Variants in COG6 observed in about 807,000 individuals in gnomAD.
The protein encoded by COG6 is component of oligomeric golgi complex 6, also known as conserved oligomeric Golgi complex subunit 6.
COG6 carries 74 observed loss-of-function variants against 88.8 expected under a neutral mutation model. That is an observed-to-expected ratio of 0.83 (90% CI 0.69 to 1.01). The LOEUF is 1.01. COG6 is among the 50% of genes least tolerant of loss of function. The pLI is 0.00. For missense variants in COG6, 800 were observed against 797.9 expected, an observed-to-expected ratio of 1.00 and a Z score of -0.03; for synonymous variants, 286 against 278.7, an observed-to-expected ratio of 1.03 and a Z score of -0.26.
At chr13:39,778,368 C>A (rs1256158901) in intron 18 of COG6, among the ~76,000 whole-genome samples, 1 of 152,194 alleles carries the variant, frequency 6.6e-6, no homozygotes, top group African/African-American at 2.4e-5. Context: ...TTCATAACAA[C>A]CAATGAAAGA....
chr13:39,682,101 T>C, intron 7 of COG6, 70 bp from the exon 8 acceptor site: 1 of 1,098,652 alleles, frequency 9.1e-7, no homozygotes, highest in Non-Finnish European at 1.4e-6. Flanking sequence ...TTTAGACTCC[T>C]GGAATGCAAC....
chr13:39,671,527 T>G (rs1197601392), intron 4 of COG6, among the ~76,000 whole-genome samples: 1 of 151,910 alleles, frequency 6.6e-6, no homozygotes, highest in Non-Finnish European at 1.5e-5. Flanking sequence ...TACCTGGAAT[T>G]CCATTTCCCA....
rs140941960 is a variant in COG6, at chr13:39,696,667, C to T, written c.1166+1942C>T. ...AAAGGTAGAGAGAGGCCAGCTCACACAGGATTTTGAAGGCGATAGTGGATA... is the reference window on the plus strand; with the variant it reads ...AAAGGTAGAGAGAGGCCAGCTCACATAGGATTTTGAAGGCGATAGTGGATA... On this transcript the variant is annotated intron_variant, in intron 12 of 18. Coordinates refer to ENST00000455146, the MANE Select transcript of COG6 (RefSeq NM_020751.3). 4.6e-5 allele frequency among the ~76,000 whole-genome samples: 7 copies of T among 151,486 alleles called. No homozygotes were observed. The East Asian group carries it at 1.4e-3, about 30-fold the overall frequency.
At chr13:39,684,343 G>A (rs1876512579) in intron 8 of COG6, among the ~76,000 whole-genome samples, 1 of 138,366 alleles carries the variant, frequency 7.2e-6, no homozygotes, top group African/African-American at 2.7e-5. Context: ...CCGCCCCCTG[G>A]GGTTCACGCC....
intron 13 of COG6, among the ~76,000 whole-genome samples, chr13:39,703,117 C>G (rs1012985366): frequency 7.9e-5 from 12 of 152,082 alleles, no homozygotes; most frequent in African/African-American, 2.9e-4. Context: ...TCTCCAACAT[C>G]AGGAAAGCCC....
chr13:39,694,735 A>G lies in COG6; in HGVS notation c.1166+10A>G. 7.3e-7 allele frequency: 1 copy of G among 1,366,676 alleles called. No individual in the cohort carries two copies. 84.7% of individuals were successfully genotyped at this position (1,366,676 alleles called of 1,614,324 possible). A position where few individuals can be genotyped will look rare whatever the true frequency, so the allele number is the denominator to read the frequency against. On this transcript the variant is annotated intron_variant, in intron 12 of 18. Coordinates refer to ENST00000455146, the MANE Select transcript of COG6 (RefSeq NM_020751.3). ...ATCACCATACAATCAGGTAAGTAGAATGGCAAAATGTGCTTGCTAAATCCA... is the reference window on the plus strand; with the variant it reads ...ATCACCATACAATCAGGTAAGTAGAGTGGCAAAATGTGCTTGCTAAATCCA...
intron 18 of COG6, among the ~76,000 whole-genome samples, chr13:39,787,156 A>C (rs1333854529): frequency 6.6e-6 from 1 of 152,112 alleles, no homozygotes; most frequent in African/African-American, 2.4e-5. Context: ...GACTGGGTCA[A>C]GGGTCAGGGG....
At chr13:39,677,821 G>A (rs1044327892) in intron 5 of COG6, among the ~76,000 whole-genome samples, 9 of 152,032 alleles carry the variant, frequency 5.9e-5, no homozygotes, top group Non-Finnish European at 1.2e-4. Flanking sequence ...CTCACCTCTA[G>A]GTCTTTTGTC....
chr13:39,743,772 A>T (rs983453249), intron 18 of COG6, among the ~76,000 whole-genome samples: 2 of 152,200 alleles, frequency 1.3e-5, no homozygotes, highest in African/African-American at 2.4e-5. Context: ...CATCATCCTG[A>T]TACCAAAGCC....
At chr13:39,714,149 TC>T (rs1878395292) in intron 13 of COG6, among the ~76,000 whole-genome samples, 1 of 152,164 alleles carries the variant, frequency 6.6e-6, no homozygotes, top group Admixed American at 6.5e-5. Flanking sequence ...CTTTCTCCCA[TC>T]AGTGTGTAAG....
intron 8 of COG6, among the ~76,000 whole-genome samples, chr13:39,684,928 T>C (rs774226639): frequency 6.6e-6 from 1 of 152,208 alleles, no homozygotes; most frequent in African/African-American, 2.4e-5. Flanking sequence ...ATAAATCATG[T>C]ACAATTATAA....
At chr13:39,774,829 T>C (rs1881418132) in intron 18 of COG6, among the ~76,000 whole-genome samples, 1 of 152,158 alleles carries the variant, frequency 6.6e-6, no homozygotes, top group Non-Finnish European at 1.5e-5. Flanking sequence ...CACCTCATCC[T>C]TCCAAAGTGC....
intron 13 of COG6, among the ~76,000 whole-genome samples, chr13:39,716,969 G>A (rs868248843): frequency 2.0e-5 from 3 of 152,086 alleles, no homozygotes; most frequent in Non-Finnish European, 2.9e-5. Context: ...TATGTGGATC[G>A]AGTTACTTTC....
intron 1 of COG6, among the ~76,000 whole-genome samples, chr13:39,658,068 T>TC (rs1874640676): frequency 6.7e-6 from 1 of 149,362 alleles, no homozygotes; most frequent in Non-Finnish European, 1.5e-5. Flanking sequence ...TGTCACTTTT[T>TC]TTTTTTTTTT....
chr13:39,776,461 T>C (rs7328995), intron 18 of COG6, among the ~76,000 whole-genome samples: 2,855 of 152,306 alleles, frequency 0.019, 86 homozygotes, highest in African/African-American at 0.065. Flanking sequence ...GTCTTCTCCA[T>C]TGTTATTGTT....
downstream of COG6, among the ~76,000 whole-genome samples, chr13:39,754,427 A>G (rs1415232066): frequency 6.6e-6 from 1 of 152,202 alleles, no homozygotes; most frequent in Non-Finnish European, 1.5e-5. Flanking sequence ...TAAGGAAAAT[A>G]TAGGAAATGA....
chr13:39,782,719 C>A (rs1221102699), intron 18 of COG6, among the ~76,000 whole-genome samples: 2 of 152,172 alleles, frequency 1.3e-5, no homozygotes, highest in Non-Finnish European at 1.5e-5. Flanking sequence ...TGCCTCCCCC[C>A]ATCACAACAG....
chr13:39,774,663 C>G (rs1042196246), intron 18 of COG6, among the ~76,000 whole-genome samples: 4 of 151,994 alleles, frequency 2.6e-5, no homozygotes, highest in Non-Finnish European at 4.4e-5. Flanking sequence ...CAACCTCCAC[C>G]TCCCGGGTTC....
At chr13:39,718,270 T>G (rs987250553) in intron 13 of COG6, among the ~76,000 whole-genome samples, 23 of 152,124 alleles carry the variant, frequency 1.5e-4, no homozygotes, top group African/African-American at 5.6e-4. Flanking sequence ...ATGTATTAAC[T>G]TTCTACATGA....
Sources: gnomAD v4.1 joint callset for allele counts (sites outside exome capture counted in the v4.1 genomes callset) on GRCh38, gnomAD v4.1.1 for gene constraint, MANE v1.5 for transcripts, NCBI Gene and HGNC (gene_info 2026-07-23, HGNC 2026-07-21) for gene names.